AGBL4: variants seen among roughly 807,000 people sequenced by gnomAD.
The protein encoded by AGBL4 is cytosolic carboxypeptidase 6.
A neutral mutation model predicts 66.4 loss-of-function variants in AGBL4; 58 were observed. The observed-to-expected ratio is 0.87, with a 90% confidence interval of 0.71 to 1.09. AGBL4 has a LOEUF of 1.09. Among genes scored for constraint, AGBL4 ranks in the 50% least tolerant of loss-of-function variants. The pLI, the probability that AGBL4 is intolerant of heterozygous loss-of-function variation, is 0.00. For missense variants in AGBL4, 579 were observed against 631.0 expected, an observed-to-expected ratio of 0.92 and a Z score of 0.88; for synonymous variants, 234 against 222.9, an observed-to-expected ratio of 1.05 and a Z score of -0.44.
chr1:49,496,674 T>C (rs1647607258), intron 3 of AGBL4, among the ~76,000 whole-genome samples: 1 of 152,018 alleles, frequency 6.6e-6, no homozygotes, highest in Admixed American at 6.6e-5. Flanking sequence ...GTCCTCAAGG[T>C]CCATCCATCT....
intron 5 of AGBL4, among the ~76,000 whole-genome samples, chr1:48,956,956 A>G (rs1262951592): frequency 6.6e-6 from 1 of 152,200 alleles, no homozygotes; most frequent in Non-Finnish European, 1.5e-5. Context: ...TTTCAAATAT[A>G]TCTAAAAATA....
intron 4 of AGBL4, among the ~76,000 whole-genome samples, chr1:49,081,387 T>G (rs1327660076): frequency 6.6e-6 from 1 of 152,206 alleles, no homozygotes; most frequent in Non-Finnish European, 1.5e-5. Flanking sequence ...AGTTTCTTTG[T>G]CTACAGAATG....
At chr1:49,987,691 C>T (rs1659612231) in intron 1 of AGBL4, among the ~76,000 whole-genome samples, 1 of 151,960 alleles carries the variant, frequency 6.6e-6, no homozygotes, top group African/African-American at 2.4e-5. Flanking sequence ...AGAAATTATA[C>T]ACTTTTAAAA....
intron 3 of AGBL4, among the ~76,000 whole-genome samples, chr1:49,650,080 A>C (rs1358439306): frequency 2.1e-4 from 32 of 152,198 alleles, no homozygotes; most frequent in Admixed American, 2.1e-3. Flanking sequence ...TTTTAGTAAA[A>C]TATTTGAATC....
intron 2 of AGBL4, among the ~76,000 whole-genome samples, chr1:49,849,176 T>C (rs1342365404): frequency 6.6e-6 from 1 of 152,016 alleles, no homozygotes; most frequent in Middle Eastern, 3.2e-3. Context: ...ATGTAGAACC[T>C]CATCCTGTGA....
intron 5 of AGBL4, among the ~76,000 whole-genome samples, chr1:48,989,037 A>T (rs1660401553): frequency 6.6e-6 from 1 of 152,180 alleles, no homozygotes; most frequent in East Asian, 1.9e-4. Context: ...TCTCTGACAG[A>T]TACGGAGGTA....
intron 3 of AGBL4, among the ~76,000 whole-genome samples, chr1:49,670,140 C>T (rs1173906732): frequency 6.6e-6 from 1 of 151,940 alleles, no homozygotes; most frequent in Non-Finnish European, 1.5e-5. Context: ...AGGCAGACAA[C>T]AGATTGAGAA....
intron 11 of AGBL4, among the ~76,000 whole-genome samples, chr1:48,544,601 G>A (rs886309414): frequency 6.6e-6 from 1 of 152,190 alleles, no homozygotes; most frequent in African/African-American, 2.4e-5. Flanking sequence ...AGAAGTGAGA[G>A]AAGTGAAACA....
intron 3 of AGBL4, among the ~76,000 whole-genome samples, chr1:49,680,925 C>T (rs77265657): frequency 1.3e-5 from 2 of 151,578 alleles, no homozygotes; most frequent in African/African-American, 4.8e-5. Context: ...TATTGTCCTC[C>T]TGTTGCTTGG....
intron 6 of AGBL4, among the ~76,000 whole-genome samples, chr1:48,839,294 C>T (rs556026342): frequency 6.6e-5 from 10 of 152,036 alleles, no homozygotes; most frequent in African/African-American, 1.4e-4. Flanking sequence ...CATTAAAGAA[C>T]GGATGGATAA....
At chr1:49,845,015 G>C (rs1205394227) in intron 2 of AGBL4, 19 of 1,435,904 alleles carry the variant, frequency 1.3e-5, no homozygotes, top group Non-Finnish European at 1.8e-5. Flanking sequence ...GGAACACGTG[G>C]AAAAAGGGAG....
chr1:49,499,004 T>C (rs1252981571), intron 3 of AGBL4, among the ~76,000 whole-genome samples: 1 of 152,102 alleles, frequency 6.6e-6, no homozygotes, highest in Non-Finnish European at 1.5e-5. Flanking sequence ...ATCGAGGATA[T>C]TGGCCTCTAA....
chr1:49,429,502 A>G (rs1356558817), intron 3 of AGBL4, among the ~76,000 whole-genome samples: 1 of 152,222 alleles, frequency 6.6e-6, no homozygotes, highest in African/African-American at 2.4e-5. Context: ...AAATACTAAA[A>G]TCAGCTGCAT....
intron 3 of AGBL4, among the ~76,000 whole-genome samples, chr1:49,441,033 C>T (rs938935684): frequency 6.6e-6 from 1 of 152,072 alleles, no homozygotes; most frequent in Non-Finnish European, 1.5e-5. Flanking sequence ...CAGTGATGGC[C>T]TCCCCTGAGG....
chr1:48,783,285 C>T (rs1327471319), intron 6 of AGBL4, among the ~76,000 whole-genome samples: 1 of 152,144 alleles, frequency 6.6e-6, no homozygotes, highest in East Asian at 1.9e-4. Flanking sequence ...GCAGGGGCAT[C>T]AACCCAACTC....
At chr1:49,066,078 T>C (rs113371613) in intron 4 of AGBL4, among the ~76,000 whole-genome samples, 246 of 152,130 alleles carry the variant, frequency 1.6e-3, no homozygotes, top group Non-Finnish European at 2.7e-3. Context: ...ATAAATCCCA[T>C]GGAGTGAAGA....
intron 4 of AGBL4, among the ~76,000 whole-genome samples, chr1:49,049,784 G>A (rs1644170002): frequency 6.6e-6 from 1 of 151,994 alleles, no homozygotes; most frequent in African/African-American, 2.4e-5. Context: ...AGACAAGGCA[G>A]ACTTCTGATT....
intron 3 of AGBL4, among the ~76,000 whole-genome samples, chr1:49,568,098 T>A (rs145684163): frequency 1.3e-5 from 2 of 152,132 alleles, no homozygotes; most frequent in Non-Finnish European, 2.9e-5. Context: ...AGTATTGGAA[T>A]ACCTCTCATT....
At chr1:49,182,422 A>T (rs1440796746) in intron 4 of AGBL4, among the ~76,000 whole-genome samples, 1 of 152,174 alleles carries the variant, frequency 6.6e-6, no homozygotes, top group Non-Finnish European at 1.5e-5. Context: ...AAATATCCAT[A>T]ATCTGGAGTG....
Sources: gnomAD v4.1 joint callset for allele counts (sites outside exome capture counted in the v4.1 genomes callset) on GRCh38, gnomAD v4.1.1 for gene constraint, MANE v1.5 for transcripts, NCBI Gene and HGNC (gene_info 2026-07-23, HGNC 2026-07-21) for gene names.